Variants in DNM1L observed in about 807,000 individuals in gnomAD.
DNM1L encodes dynamin 1L, also known as dynamin-1-like protein.
In DNM1L, 33 loss-of-function variants were observed where a neutral mutation model predicts 92.8. That is an observed-to-expected ratio of 0.36 (90% CI 0.27 to 0.48). The LOEUF is 0.48. DNM1L is among the 20% of genes least tolerant of loss of function. The probability of loss-of-function intolerance (pLI) is 0.99; values close to 1 mark genes in which losing one functional copy is unlikely to be tolerated. For synonymous variants in DNM1L, 284 were observed against 305.0 expected (o/e 0.93, Z 0.72); for missense variants, 485 against 888.8 (o/e 0.55, Z 5.78).
chr12:32,706,084 A>G (rs1952915516), intron 2 of DNM1L: 1 of 445,058 alleles, frequency 2.2e-6, no homozygotes, highest in Admixed American at 4.1e-5. Flanking sequence ...ATTTTTGAAG[A>G]CATGCTTGTG....
chr12:32,744,916 T>TAATA lies in DNM1L; in HGVS notation c.*1507_*1510dup. On this transcript the variant is annotated 3_prime_UTR_variant, in exon 20 of 20. Coordinates refer to ENST00000549701, the MANE Select transcript of DNM1L (RefSeq NM_012062.5). Reference sequence around the variant, plus strand: ...TCCTTAAGACATCTAGCCCCGTCTCTAATAGACAACACATTTATATTGCAG... The same window carrying TAATA: ...TCCTTAAGACATCTAGCCCCGTCTCTAATAAATAGACAACACATTTATATTGCAG... 1.9e-6 allele frequency: 1 copy of TAATA among 517,520 alleles called. No homozygotes were observed. The highest frequency in any genetic ancestry group is 3.9e-6 in the Non-Finnish European group (1 of 259,358). The allele number at this position is 517,520 out of a possible 1,614,324, so 32.1% of individuals were successfully genotyped here. A position where few individuals can be genotyped will look rare whatever the true frequency, so the allele number is the denominator to read the frequency against.
chr12:32,699,021 T>TAA (rs199972506), intron 1 of DNM1L, among the ~76,000 whole-genome samples: 1 of 143,186 alleles, frequency 7.0e-6, no homozygotes, highest in Non-Finnish European at 1.5e-5. Flanking sequence ...CCCCATCTCT[T>TAA]AAAAAAAAAA....
intron 14 of DNM1L, 104 bp from the exon 15 acceptor site, chr12:32,737,761 A>AT: frequency 2.3e-6 from 2 of 851,720 alleles, no homozygotes; most frequent in East Asian, 5.0e-5. Context: ...CTTTCATGTT[A>AT]TTTTACGATT....
intron 4 of DNM1L, among the ~76,000 whole-genome samples, chr12:32,708,606 A>G (rs1441219256): frequency 6.6e-6 from 1 of 151,990 alleles, no homozygotes; most frequent in Non-Finnish European, 1.5e-5. Flanking sequence ...ACTTATATAT[A>G]TATCTTTTGA....
At chr12:32,717,693 A>ATTTG (rs1565518411) in intron 6 of DNM1L, among the ~76,000 whole-genome samples, 19 of 96,782 alleles carry the variant, frequency 2.0e-4, no homozygotes, top group East Asian at 8.5e-4. Flanking sequence ...AGATATATAT[A>ATTTG]TAAAAAATAC....
chr12:32,706,704 A>C (rs988466876), intron 2 of DNM1L: 27 of 454,714 alleles, frequency 5.9e-5, no homozygotes, highest in Middle Eastern at 3.2e-4. Flanking sequence ...AAGGGAAAAC[A>C]GTCTTGACCC....
At chr12:32,742,774 T>A (rs1955394963) in intron 19 of DNM1L, 26 bp downstream of exon 19, 7 of 1,613,718 alleles carry the variant, frequency 4.3e-6, no homozygotes, top group Non-Finnish European at 4.2e-6. Context: ...TGATTTTTTA[T>A]ACTTGGGTAG....
intron 7 of DNM1L, among the ~76,000 whole-genome samples, chr12:32,720,412 G>T (rs530616091): frequency 8.5e-5 from 13 of 152,184 alleles, no homozygotes; most frequent in Non-Finnish European, 4.4e-5. Flanking sequence ...TTAGGCACTA[G>T]TTACTTACAA....
At chr12:32,721,004 A>G (rs1953777870) in intron 8 of DNM1L, among the ~76,000 whole-genome samples, 2 of 152,200 alleles carry the variant, frequency 1.3e-5, no homozygotes, top group South Asian at 2.1e-4. Context: ...TGAATGTACA[A>G]GTGATTTTAA....
intron 2 of DNM1L, 128 bp downstream of exon 2, chr12:32,701,690 G>C: frequency 1.2e-6 from 1 of 832,552 alleles, no homozygotes; most frequent in South Asian, 1.5e-5. Flanking sequence ...GTGAGAAGTA[G>C]TATGCATCTT....
Position 32,679,329 on chromosome 12 carries a change from G to A in DNM1L, c.-35G>A, listed in dbSNP as rs755525061. On this transcript the variant is annotated 5_prime_UTR_variant, in exon 1 of 20. Transcript: ENST00000549701. ...GGCCCCGGCCCCATTCATTGCCGTGGCCGGCGGGCACTGGGGCCCCGTGTT... is the reference window on the plus strand; with the variant it reads ...GGCCCCGGCCCCATTCATTGCCGTGACCGGCGGGCACTGGGGCCCCGTGTT... 26 of 1,453,218 alleles carry A rather than the reference G, an allele frequency of 1.8e-5. No individual in the cohort carries two copies. The highest frequency in any genetic ancestry group is 2.1e-5 in the Non-Finnish European group (22 of 1,037,680). The allele number at this position is 1,453,218 out of a possible 1,614,324, so 90.0% of individuals were successfully genotyped here.
Position 32,743,765 on chromosome 12 carries a change from C to T in DNM1L, c.*355C>T, listed in dbSNP as rs571711515. 5 of 273,790 alleles carry T rather than the reference C, an allele frequency of 1.8e-5. No homozygotes were observed. The East Asian group carries it at 4.0e-4, about 22-fold the overall frequency. The allele number at this position is 273,790 out of a possible 1,614,324, so 17.0% of individuals were successfully genotyped here. ...ATAATCTTTGTTAGTAGTCTTAAAG[C>T]TGCTGCCATAGTCCTCCAAGAAGAA... is the stretch of plus-strand genomic sequence containing the variant. On this transcript the variant is annotated 3_prime_UTR_variant, in exon 20 of 20. Transcript: ENST00000549701.
intron 12 of DNM1L, 143 bp downstream of exon 12, chr12:32,732,086 G>A (rs1429761242): frequency 1.5e-6 from 1 of 663,874 alleles, no homozygotes; most frequent in Non-Finnish European, 2.6e-6. Context: ...AAAACAAGTT[G>A]AGTTTCAGTC....
At chr12:32,696,307 TG>T (rs1427800239) in intron 1 of DNM1L, among the ~76,000 whole-genome samples, 1 of 151,260 alleles carries the variant, frequency 6.6e-6, no homozygotes, top group Non-Finnish European at 1.5e-5. Context: ...GAGGCCAAGG[TG>T]GGGGTATCGC....
rs780493604 is a variant in DNM1L, at chr12:32,701,423, A to C, written c.111A>C (p.Gly37=). Residue 37 remains glycine (G), a synonymous_variant, in exon 2 of 20, where the codon GGA becomes GGC. Transcript: ENST00000549701. ...ATATATTCTGTTTTCAGAGCAGCGG[A>C]AAGAGCTCAGTGCTAGAAAGCCTGG... is the stretch of plus-strand genomic sequence containing the variant. The part of the protein sequence containing the change: ...QIVVVGTQSS[G]KSSVLESLVG... 1 of 1,614,054 alleles carries C rather than the reference A, an allele frequency of 6.2e-7. No individual in the cohort carries two copies.
chr12:32,701,451 G>A lies in DNM1L; in HGVS notation c.139G>A (p.Gly47Arg). The A allele has an allele frequency of 6.2e-7, 1 of 1,613,944 alleles. No homozygotes were observed. The highest frequency in any genetic ancestry group is 8.5e-7 in the Non-Finnish European group (1 of 1,179,874). The change falls in exon 2 of 20, where the codon GGG becomes AGG. Residue 47 changes from glycine to arginine, a missense_variant. Physicochemically the swap from Gly to Arg is moderately radical, Grantham distance 125. Coordinates refer to ENST00000549701, the MANE Select transcript of DNM1L (RefSeq NM_012062.5). ...GKSSVLESLVGRDLLPRGTGI... is the reference protein window; with the variant it reads ...GKSSVLESLVRRDLLPRGTGI... ...GAGCTCAGTGCTAGAAAGCCTGGTG[G>A]GGAGGGACCTGCTTCCCAGAGGTAC...
At chr12:32,705,919 C>G in intron 2 of DNM1L, 1 of 1,495,170 alleles carries the variant, frequency 6.7e-7, no homozygotes, top group South Asian at 1.1e-5. Context: ...TGCATGTGTG[C>G]TTATGTACTA....
intron 5 of DNM1L, chr12:32,711,399 C>A (rs1000590480): frequency 4.9e-6 from 1 of 204,128 alleles, no homozygotes; most frequent in South Asian, 8.6e-5. Flanking sequence ...ATTCAAATAT[C>A]TCCAGACTTG....
chr12:32,711,723 C>T (rs1189302935), intron 5 of DNM1L, among the ~76,000 whole-genome samples: 2 of 151,918 alleles, frequency 1.3e-5, no homozygotes, highest in South Asian at 2.1e-4. Context: ...AGGGAGACCA[C>T]GTCTCTACAA....
Sources: gnomAD v4.1 joint callset for allele counts (sites outside exome capture counted in the v4.1 genomes callset) on GRCh38, gnomAD v4.1.1 for gene constraint, MANE v1.5 for transcripts, NCBI Gene and HGNC (gene_info 2026-07-23, HGNC 2026-07-21) for gene names.